XPR1: variants seen among roughly 807,000 people sequenced by gnomAD.
XPR1 encodes solute carrier family 53 member 1.
In XPR1, 28 loss-of-function variants were observed where a neutral mutation model predicts 87.5. The ratio of observed to expected loss-of-function variants is 0.32; its 90% CI spans 0.24 to 0.44. The LOEUF (loss-of-function observed/expected upper bound fraction) is 0.44, where lower values mean the gene tolerates loss of function less well. Ranked by LOEUF, XPR1 falls within the 20% of genes least tolerant of loss-of-function variation. The pLI is 1.00. For synonymous variants in XPR1, 300 were observed against 306.1 expected, an observed-to-expected ratio of 0.98 and a Z score of 0.21; for missense variants, 559 against 862.3, an observed-to-expected ratio of 0.65 and a Z score of 4.41.
intron 2 of XPR1, among the ~76,000 whole-genome samples, chr1:180,701,749 A>T (rs1349400572): frequency 7.1e-6 from 1 of 140,354 alleles, no homozygotes; most frequent in Non-Finnish European, 1.5e-5. Context: ...GTTAGGGAGG[A>T]TTCCCTCTTT....
chr1:180,650,267 G>C (rs1287270410), intron 1 of XPR1, among the ~76,000 whole-genome samples: 44 of 151,536 alleles, frequency 2.9e-4, no homozygotes, highest in Admixed American at 2.8e-3. Flanking sequence ...GATGGGTTTT[G>C]CTTTGTTGCC....
At chr1:180,807,459 TATC>T (rs773047339) in intron 6 of XPR1, among the ~76,000 whole-genome samples, 18 of 152,226 alleles carry the variant, frequency 1.2e-4, no homozygotes, top group Non-Finnish European at 2.4e-4. Flanking sequence ...CTGTTTATAA[TATC>T]ATCAAAATAT....
chr1:180,792,821 A>G (rs575257804), intron 3 of XPR1, among the ~76,000 whole-genome samples: 3 of 152,172 alleles, frequency 2.0e-5, no homozygotes, highest in Non-Finnish European at 4.4e-5. Context: ...AAGTGATCCA[A>G]CTGATCACTT....
At chr1:180,753,780 C>A (rs1647621568) in intron 2 of XPR1, among the ~76,000 whole-genome samples, 1 of 152,162 alleles carries the variant, frequency 6.6e-6, no homozygotes, top group East Asian at 1.9e-4. Flanking sequence ...ATAGTCCTAG[C>A]ACACTGCTAA....
At chr1:180,800,878 G>A (rs568442569) in intron 3 of XPR1, among the ~76,000 whole-genome samples, 2 of 152,158 alleles carry the variant, frequency 1.3e-5, no homozygotes, top group Non-Finnish European at 2.9e-5. Flanking sequence ...TTTTGAACTA[G>A]CGTTGATCTG....
At position 180,825,246 on chromosome 1, in the gene XPR1, G is replaced by T; in HGVS notation, c.1036G>T (p.Val346Leu). Residue 346 changes from valine to leucine, a missense_variant, in exon 9 of 15, where the codon GTG (valine) becomes TTG (leucine). Val to Leu is a conservative substitution (Grantham distance 32). Coordinates refer to ENST00000367590, the MANE Select transcript of XPR1 (RefSeq NM_004736.4). ...TCCAATTAGTGTCATCCCCACATAT[G>T]TGTATCCACTTGCCCTTTATGGATT... The part of the protein sequence containing the change: ...FAPISVIPTY[V>L]YPLALYGFMV... The T allele has an allele frequency of 1.2e-6, 2 of 1,614,040 alleles. No homozygotes were observed. The highest frequency in any genetic ancestry group is 8.5e-7 in the Non-Finnish European group (1 of 1,179,990).
chr1:180,684,102 C>G (rs1656680226), intron 2 of XPR1, among the ~76,000 whole-genome samples: 1 of 152,196 alleles, frequency 6.6e-6, no homozygotes. Context: ...GGTTTTAGGT[C>G]TGACATTTAA....
At chr1:180,727,151 C>T (rs1228960555) in intron 2 of XPR1, among the ~76,000 whole-genome samples, 2 of 152,076 alleles carry the variant, frequency 1.3e-5, no homozygotes, top group South Asian at 2.1e-4. Flanking sequence ...GCGTGAGCCA[C>T]CGCGCCTGGC....
intron 2 of XPR1, among the ~76,000 whole-genome samples, chr1:180,785,526 C>A (rs546741723): frequency 6.6e-6 from 1 of 152,134 alleles, no homozygotes; most frequent in East Asian, 1.9e-4. Context: ...AATATTCATG[C>A]TTTAACACAT....
chr1:180,847,153 A>C (rs983367227), intron 11 of XPR1, among the ~76,000 whole-genome samples: 1 of 152,236 alleles, frequency 6.6e-6, no homozygotes, highest in African/African-American at 2.4e-5. Context: ...CTGGTATAGA[A>C]AAGACTGAAT....
chr1:180,752,156 AGGCTGGGATGCTAACCAT>A (rs1647559526), intron 2 of XPR1, among the ~76,000 whole-genome samples: 1 of 152,204 alleles, frequency 6.6e-6, no homozygotes, highest in African/African-American at 2.4e-5. Context: ...ACTCACTCAC[AGGCTGGGATGCTAACCAT>A]GGCTGGCAGA....
chr1:180,822,187 C>T (rs181655852), intron 7 of XPR1, among the ~76,000 whole-genome samples: 2 of 152,326 alleles, frequency 1.3e-5, no homozygotes, highest in Admixed American at 1.3e-4. Flanking sequence ...TAAGTCTTGA[C>T]AAAGTACTGA....
chr1:180,708,683 TTAAA>T (rs1657639039), intron 2 of XPR1, among the ~76,000 whole-genome samples: 1 of 152,100 alleles, frequency 6.6e-6, no homozygotes, highest in Admixed American at 6.6e-5. Flanking sequence ...ATGACTTTCC[TTAAA>T]TATTTTTTGA....
chr1:180,821,017 T>TA (rs1015428939), intron 7 of XPR1, among the ~76,000 whole-genome samples: 1 of 150,028 alleles, frequency 6.7e-6, no homozygotes, highest in African/African-American at 2.4e-5. Context: ...TTTTTTTTTT[T>TA]ACTTTCTTGA....
At chr1:180,699,208 T>C (rs1364270898) in intron 2 of XPR1, among the ~76,000 whole-genome samples, 1 of 122,752 alleles carries the variant, frequency 8.1e-6, no homozygotes, top group Non-Finnish European at 1.8e-5. Context: ...TTTTATTCTT[T>C]CTTTTTTTTT....
chr1:180,744,947 G>A (rs746536423), intron 2 of XPR1, among the ~76,000 whole-genome samples: 7 of 151,680 alleles, frequency 4.6e-5, no homozygotes, highest in Non-Finnish European at 1.0e-4. Context: ...CACCATGCCC[G>A]GCTGGTTTAG....
intron 2 of XPR1, among the ~76,000 whole-genome samples, chr1:180,688,003 A>G (rs1286548705): frequency 1.3e-5 from 2 of 150,150 alleles, no homozygotes; most frequent in African/African-American, 4.9e-5. Context: ...TGTGACTGAG[A>G]TGTTGACTTA....
intron 2 of XPR1, among the ~76,000 whole-genome samples, chr1:180,702,553 C>T (rs1233757890): frequency 2.6e-5 from 4 of 151,938 alleles, no homozygotes; most frequent in South Asian, 4.2e-4. Flanking sequence ...GAAATTCTTT[C>T]TTCTGCTTGA....
chr1:180,746,171 G>T (rs1647241277), intron 2 of XPR1, among the ~76,000 whole-genome samples: 3 of 152,124 alleles, frequency 2.0e-5, no homozygotes, highest in Non-Finnish European at 4.4e-5. Context: ...TAGTGGTGAA[G>T]TTTCAGATTT....
Sources: gnomAD v4.1 joint callset for allele counts (sites outside exome capture counted in the v4.1 genomes callset) on GRCh38, gnomAD v4.1.1 for gene constraint, MANE v1.5 for transcripts, NCBI Gene and HGNC (gene_info 2026-07-23, HGNC 2026-07-21) for gene names.